Variants in UNC5D observed in about 807,000 individuals in gnomAD.
The protein encoded by UNC5D is netrin receptor UNC5D.
Under a neutral mutation model 105.4 loss-of-function variants are expected in UNC5D, and 39 were observed. The ratio of observed to expected loss-of-function variants is 0.37; its 90% CI spans 0.29 to 0.48. The LOEUF (loss-of-function observed/expected upper bound fraction) is 0.48. UNC5D is among the 20% of genes least tolerant of loss of function. UNC5D has a pLI of 0.98. For missense variants in UNC5D, 991 were observed against 1,202.4 expected, an observed-to-expected ratio of 0.82 and a Z score of 2.60; for synonymous variants, 452 against 450.4, an observed-to-expected ratio of 1.00 and a Z score of -0.04.
intron 1 of UNC5D, among the ~76,000 whole-genome samples, chr8:35,426,365 A>C (rs896980097): frequency 6.6e-6 from 1 of 152,192 alleles, no homozygotes; most frequent in Non-Finnish European, 1.5e-5. Context: ...AAATTAGAGA[A>C]TTAGGGAAAA....
At chr8:35,596,173 A>C (rs183736529) in intron 4 of UNC5D, among the ~76,000 whole-genome samples, 11 of 152,324 alleles carry the variant, frequency 7.2e-5, no homozygotes, top group Non-Finnish European at 1.5e-4. Flanking sequence ...AAAAATGATG[A>C]AGCCACAGGC....
chr8:35,393,295 G>T (rs964776160), intron 1 of UNC5D, among the ~76,000 whole-genome samples: 1 of 151,174 alleles, frequency 6.6e-6, no homozygotes, highest in Admixed American at 6.6e-5. Flanking sequence ...CACCTCGCCC[G>T]GCTAATTTTT....
intron 1 of UNC5D, among the ~76,000 whole-genome samples, chr8:35,522,524 G>T (rs1276302797): frequency 2.6e-5 from 4 of 152,124 alleles, no homozygotes; most frequent in Non-Finnish European, 2.9e-5. Flanking sequence ...GCAAAGAGAG[G>T]AAGTTTCATC....
chr8:35,698,467 A>ATGAGT (rs1554589672), intron 7 of UNC5D, among the ~76,000 whole-genome samples: 1 of 151,340 alleles, frequency 6.6e-6, no homozygotes, highest in Non-Finnish European at 1.5e-5. Flanking sequence ...CTCTGTCTCT[A>ATGAGT]TGAGTTTGGT....
intron 4 of UNC5D, among the ~76,000 whole-genome samples, chr8:35,600,192 T>A (rs201576078): frequency 6.6e-6 from 1 of 152,152 alleles, no homozygotes; most frequent in African/African-American, 2.4e-5. Flanking sequence ...TTTCTTAATC[T>A]AGTTTATCAT....
At chr8:35,341,922 C>T (rs1486171037) in intron 1 of UNC5D, among the ~76,000 whole-genome samples, 2 of 152,092 alleles carry the variant, frequency 1.3e-5, no homozygotes, top group Admixed American at 6.6e-5. Flanking sequence ...GGCAAAATGT[C>T]AAATACTCAA....
chr8:35,251,826 C>T (rs1317954118), intron 1 of UNC5D, among the ~76,000 whole-genome samples: 1 of 152,082 alleles, frequency 6.6e-6, no homozygotes, highest in Non-Finnish European at 1.5e-5. Flanking sequence ...ATCTTAGTGT[C>T]TGAAGGATGT....
chr8:35,653,012 C>A (rs1391303577), intron 4 of UNC5D, among the ~76,000 whole-genome samples: 1 of 148,814 alleles, frequency 6.7e-6, no homozygotes, highest in African/African-American at 2.5e-5. Flanking sequence ...TTACTGCAAC[C>A]TCCGCCTCCC....
chr8:35,771,095 G>A (rs1047126748), intron 15 of UNC5D, among the ~76,000 whole-genome samples: 4 of 152,120 alleles, frequency 2.6e-5, no homozygotes, highest in Non-Finnish European at 4.4e-5. Context: ...AACTTTAAGA[G>A]GGAAATAGGG....
intron 13 of UNC5D, among the ~76,000 whole-genome samples, chr8:35,751,883 A>T (rs1212424060): frequency 6.6e-6 from 1 of 152,220 alleles, no homozygotes; most frequent in Non-Finnish European, 1.5e-5. Context: ...ACAAATTTCC[A>T]TGGATGGATG....
chr8:35,610,219 C>T (rs1171910757), intron 4 of UNC5D, among the ~76,000 whole-genome samples: 3 of 151,942 alleles, frequency 2.0e-5, no homozygotes, highest in African/African-American at 7.2e-5. Flanking sequence ...CTAGGAAGCA[C>T]CAAGAGCCAA....
intron 1 of UNC5D, among the ~76,000 whole-genome samples, chr8:35,366,673 G>C (rs1015686485): frequency 1.3e-5 from 2 of 151,982 alleles, no homozygotes; most frequent in Admixed American, 6.6e-5. Flanking sequence ...TGATTCATCT[G>C]TGGTCCAACA....
intron 2 of UNC5D, 95 bp downstream of exon 2, chr8:35,549,605 C>A: frequency 8.3e-7 from 1 of 1,202,292 alleles, no homozygotes; most frequent in Non-Finnish European, 1.2e-6. Flanking sequence ...CCCCCCATTG[C>A]CTTGTGTGAA....
At chr8:35,477,471 T>G (rs1233685443) in intron 1 of UNC5D, among the ~76,000 whole-genome samples, 1 of 152,152 alleles carries the variant, frequency 6.6e-6, no homozygotes, top group Non-Finnish European at 1.5e-5. Context: ...GAATGATTTT[T>G]ATGATGCTCA....
At chr8:35,593,775 C>G (rs1254868202) in intron 3 of UNC5D, among the ~76,000 whole-genome samples, 1 of 151,828 alleles carries the variant, frequency 6.6e-6, no homozygotes, top group African/African-American at 2.4e-5. Context: ...ACAAAACAAA[C>G]AAACAAAAAA....
At chr8:35,248,697 A>ATATGTTATATATAATATATAT in intron 1 of UNC5D, among the ~76,000 whole-genome samples, 1 of 100,352 alleles carries the variant, frequency 1.0e-5, no homozygotes, top group African/African-American at 4.4e-5. Flanking sequence ...TAAAATATAT[A>ATATGTTATATATAATATATAT]AAAATATATA....
chr8:35,262,051 T>A (rs1804535144), intron 1 of UNC5D, among the ~76,000 whole-genome samples: 1 of 152,156 alleles, frequency 6.6e-6, no homozygotes, highest in Non-Finnish European at 1.5e-5. Context: ...TTCTCCAGAT[T>A]AAGAGGATGA....
chr8:35,704,746 T>C (rs533733028), intron 7 of UNC5D, among the ~76,000 whole-genome samples: 1 of 152,078 alleles, frequency 6.6e-6, no homozygotes, highest in Admixed American at 6.5e-5. Context: ...GGTGGAGTTG[T>C]GTGAGCCTGA....
At chr8:35,271,743 T>TG (rs1563268511) in intron 1 of UNC5D, among the ~76,000 whole-genome samples, 1 of 130,650 alleles carries the variant, frequency 7.7e-6, no homozygotes, top group African/African-American at 2.9e-5. Flanking sequence ...ACATATATAT[T>TG]TATACATGTA....
Sources: allele counts gnomAD v4.1 joint callset (sites outside exome capture counted in the v4.1 genomes callset), GRCh38; gene constraint gnomAD v4.1.1; transcripts MANE v1.5; gene names NCBI Gene and HGNC (gene_info 2026-07-23, HGNC 2026-07-21).